Variants in MNDA observed in about 807,000 individuals in gnomAD.
MNDA encodes the protein epididymis secretory sperm binding protein.
In MNDA, 43 loss-of-function variants were observed where a neutral mutation model predicts 37.8. That is an observed-to-expected ratio of 1.14 (90% confidence interval 0.89 to 1.47). The LOEUF (loss-of-function observed/expected upper bound fraction) is 1.47. Among genes scored for constraint, MNDA ranks in the 40% most tolerant of loss-of-function variants. The pLI is 0.00. For missense variants in MNDA, 536 were observed against 476.0 expected (o/e 1.13, Z -1.17); for synonymous variants, 181 against 169.0 (o/e 1.07, Z -0.55).
intron 6 of MNDA, among the ~76,000 whole-genome samples, chr1:158,848,654 C>A (rs1220212768): frequency 6.6e-6 from 1 of 152,046 alleles, no homozygotes; most frequent in Non-Finnish European, 1.5e-5. Context: ...CAGAAGAATG[C>A]CTGATCACTT....
At chr1:158,839,016 C>T (rs1028851202) in intron 1 of MNDA, among the ~76,000 whole-genome samples, 2 of 152,030 alleles carry the variant, frequency 1.3e-5, no homozygotes, top group African/African-American at 4.8e-5. Flanking sequence ...TTTCCTTTAA[C>T]TCATTTATCA....
chr1:158,844,932 C>T (rs1659103020), intron 4 of MNDA, among the ~76,000 whole-genome samples: 2 of 152,092 alleles, frequency 1.3e-5, no homozygotes, highest in South Asian at 4.1e-4. Flanking sequence ...TTCTTCACAA[C>T]AATGTTTTCA....
intron 1 of MNDA, among the ~76,000 whole-genome samples, chr1:158,834,664 G>A (rs1234754886): frequency 1.3e-5 from 2 of 152,124 alleles, no homozygotes; most frequent in South Asian, 4.1e-4. Flanking sequence ...GTTGTTGCCT[G>A]TGCCATCGGT....
Position 158,840,857 on chromosome 1 carries a change from C to A in MNDA, c.-20-1277C>A, listed in dbSNP as rs370198599. 9.9e-5 allele frequency among the ~76,000 whole-genome samples: 15 copies of A among 152,256 alleles called. No homozygotes were observed. In the South Asian group the frequency reaches 1.4e-3, roughly 15 times the overall value. ...TCTCTTTATCTGATAGGTTTAAACA[C>A]AGGAACACTCATGTTCTCCCAAAAG... On this transcript the variant is annotated intron_variant, in intron 1 of 6. Transcript: ENST00000368141.
rs139389039 is a variant in MNDA, at chr1:158,847,775, A to C, written c.1035A>C (p.Thr345=). ...CAATTTATGAAATACAGGATAATACAGGATCCATGGATGTAGTGGGGAGTG... is the reference window on the plus strand; with the variant it reads ...CAATTTATGAAATACAGGATAATACCGGATCCATGGATGTAGTGGGGAGTG... The part of the protein sequence containing the change: ...KNTIYEIQDN[T]GSMDVVGSGK... Residue 345 remains threonine (T), a synonymous_variant, in exon 6 of 7, where the codon ACA becomes ACC. Transcript: ENST00000368141. The C allele has an allele frequency of 2.9e-5, 46 of 1,613,896 alleles. No homozygotes were observed. The highest frequency in any genetic ancestry group is 4.5e-5 in the East Asian group (2 of 44,892).
At chr1:158,833,047 T>G (rs868810941) in intron 1 of MNDA, among the ~76,000 whole-genome samples, 11 of 152,284 alleles carry the variant, frequency 7.2e-5, no homozygotes, top group Middle Eastern at 3.4e-3. Flanking sequence ...TAGCAAACTC[T>G]CACATCTTCT....
At chr1:158,845,505 G>A (rs898473345) in intron 4 of MNDA, 82 bp from the exon 5 acceptor site, 6 of 1,408,718 alleles carry the variant, frequency 4.3e-6, no homozygotes, top group Non-Finnish European at 5.7e-6. Flanking sequence ...TTCCCAAAGT[G>A]CTAGGATTAC....
chr1:158,834,694 T>A (rs1174597235), intron 1 of MNDA, among the ~76,000 whole-genome samples: 2 of 152,196 alleles, frequency 1.3e-5, no homozygotes, highest in African/African-American at 4.8e-5. Flanking sequence ...AAGAAACCCA[T>A]TGCCAAATCC....
chr1:158,843,238 C>T (rs1378183650), intron 2 of MNDA, 41 bp from the exon 3 acceptor site: 1 of 1,559,374 alleles, frequency 6.4e-7, no homozygotes, highest in East Asian at 2.3e-5. Flanking sequence ...TAAGCTATTC[C>T]ACTCTAGGCC....
chr1:158,842,104 G>A (rs935188605), intron 1 of MNDA, 30 bp from the exon 2 acceptor site: 1 of 1,539,326 alleles, frequency 6.5e-7, no homozygotes, highest in Non-Finnish European at 8.8e-7. Context: ...GCATAAATGT[G>A]TAATGTTGTG....
At chr1:158,844,185 T>C in intron 4 of MNDA, 63 bp downstream of exon 4, 3 of 1,288,328 alleles carry the variant, frequency 2.3e-6, no homozygotes, top group Non-Finnish European at 3.2e-6. Context: ...ATTCCACTGT[T>C]ACTATTGTTA....
intron 6 of MNDA, among the ~76,000 whole-genome samples, chr1:158,848,689 G>A (rs777478920): frequency 1.1e-4 from 16 of 152,088 alleles, no homozygotes; most frequent in Non-Finnish European, 1.5e-4. Flanking sequence ...AAAATATTCC[G>A]GTGTCTATCT....
intron 5 of MNDA, among the ~76,000 whole-genome samples, chr1:158,846,273 T>C (rs1299841627): frequency 6.6e-6 from 1 of 152,156 alleles, no homozygotes; most frequent in Non-Finnish European, 1.5e-5. Context: ...CAATACAGGG[T>C]CCAAATCAAC....
intron 4 of MNDA, among the ~76,000 whole-genome samples, chr1:158,844,934 A>G (rs1659103115): frequency 6.6e-6 from 1 of 152,122 alleles, no homozygotes; most frequent in East Asian, 1.9e-4. Context: ...CTTCACAACA[A>G]TGTTTTCATC....
chr1:158,836,777 T>C (rs1489674938), intron 1 of MNDA, among the ~76,000 whole-genome samples: 1 of 151,850 alleles, frequency 6.6e-6, no homozygotes, highest in African/African-American at 2.4e-5. Flanking sequence ...TTTGTTCTAC[T>C]TTTTTAAGTT....
intron 1 of MNDA, among the ~76,000 whole-genome samples, chr1:158,836,554 A>C (rs1658918065): frequency 6.6e-6 from 1 of 151,798 alleles, no homozygotes; most frequent in African/African-American, 2.4e-5. Flanking sequence ...TATTTCTGTG[A>C]AATCTGTTGT....
At position 158,849,217 on chromosome 1, in the gene MNDA, G is replaced by C; in HGVS notation, c.1204G>C (p.Gly402Arg). 6.2e-7 allele frequency: 1 copy of C among 1,611,234 alleles called. No homozygotes were observed. The highest frequency in any genetic ancestry group is 8.5e-7 in the Non-Finnish European group (1 of 1,178,348). The change falls in exon 7 of 7, where the codon GGA becomes CGA. Residue 402 changes from glycine (G) to arginine (R), a missense_variant. By Grantham distance (125) the Gly-to-Arg change is moderately radical (BLOSUM62 -2). Transcript: ENST00000368141. ...KVIKAKKNKE[G>R]PMNVN ...CATCAAGGCCAAGAAAAACAAGGAA[G>C]GACCAATGAATGTTAATTGAAATAT...
chr1:158,839,004 A>C (rs1372764906), intron 1 of MNDA, among the ~76,000 whole-genome samples: 5 of 151,968 alleles, frequency 3.3e-5, no homozygotes, highest in African/African-American at 1.2e-4. Flanking sequence ...GTCTCTACCT[A>C]TTTTCCTTTA....
intron 2 of MNDA, 98 bp from the exon 3 acceptor site, chr1:158,843,181 C>A: frequency 6.9e-7 from 1 of 1,441,832 alleles, no homozygotes; most frequent in Non-Finnish European, 9.3e-7. Context: ...AACTCTCATG[C>A]AGGAGCTGAC....
Sources: gnomAD v4.1 joint callset for allele counts (sites outside exome capture counted in the v4.1 genomes callset) on GRCh38, gnomAD v4.1.1 for gene constraint, MANE v1.5 for transcripts, NCBI Gene and HGNC (gene_info 2026-07-23, HGNC 2026-07-21) for gene names.